The following ATP11A variants were observed in gnomAD, a reference collection of about 807,000 sequenced individuals.
ATP11A encodes phospholipid-transporting ATPase IH.
Under a neutral mutation model 154.4 loss-of-function variants are expected in ATP11A, and 81 were observed. The ratio of observed to expected loss-of-function variants is 0.52; its 90% CI spans 0.44 to 0.63. ATP11A has a LOEUF of 0.63. Ranked by LOEUF, ATP11A falls within the 30% of genes least tolerant of loss-of-function variation. The probability of loss-of-function intolerance (pLI) is 0.00; values close to 1 mark genes in which losing one functional copy is unlikely to be tolerated. For synonymous variants in ATP11A, 623 were observed against 585.9 expected (o/e 1.06, Z -0.91); for missense variants, 1,316 against 1,474.3 (o/e 0.89, Z 1.76).
In ATP11A at chr13:112,690,499, G is replaced by T; in HGVS notation, c.39+44G>T. 2 of 1,287,634 alleles carry T rather than the reference G, an allele frequency of 1.6e-6. No homozygotes were observed. The highest frequency in any genetic ancestry group is 2.0e-6 in the Non-Finnish European group (2 of 1,017,912). 79.8% of individuals were successfully genotyped at this position (1,287,634 alleles called of 1,614,324 possible). On this transcript the variant is annotated intron_variant, in intron 1 of 29. Coordinates refer to ENST00000375645, the MANE Select transcript of ATP11A (RefSeq NM_015205.3). The surrounding 1 kb of genome is among the most constrained non-coding windows in gnomAD (Gnocchi z 5.6). ...GGCTGGGGGACCCGGGGACCAGACA[G>T]ACGCGGGCCGGCCCCGCAGCCCGGA...
At chr13:112,701,787 C>A (rs1033691914) in intron 1 of ATP11A, among the ~76,000 whole-genome samples, 1 of 151,954 alleles carries the variant, frequency 6.6e-6, no homozygotes, top group Non-Finnish European at 1.5e-5. Context: ...GAGAGGAGAT[C>A]GCGCCACTGC....
chr13:112,691,148 G>A (rs1199588760), intron 1 of ATP11A, among the ~76,000 whole-genome samples: 3 of 152,144 alleles, frequency 2.0e-5, no homozygotes, highest in Admixed American at 2.0e-4. Flanking sequence ...AGGGGAAACC[G>A]GAATCCCTGG....
Position 112,798,154 on chromosome 13 carries a change from G to A in ATP11A, c.163-6803G>A, listed in dbSNP as rs141769401. On this transcript the variant is annotated intron_variant, in intron 2 of 29. Coordinates refer to ENST00000375645, the MANE Select transcript of ATP11A (RefSeq NM_015205.3). ...TTCATGAGGGAGGAGCCCGCATGGC[G>A]GAATCAGAACTCTTGAAGGCCCCGC... 2.9e-3 allele frequency among the ~76,000 whole-genome samples: 440 copies of A among 152,310 alleles called. 7 individuals carry two copies. The highest frequency in any genetic ancestry group is 0.01 in the African/African-American group (424 of 41,552).
At chr13:112,709,994 G>A (rs988995119) in intron 1 of ATP11A, among the ~76,000 whole-genome samples, 14 of 152,270 alleles carry the variant, frequency 9.2e-5, no homozygotes, top group Admixed American at 8.5e-4. Flanking sequence ...ACAGCTGAGA[G>A]CAAGGGTCTC....
At chr13:112,775,430 A>G (rs2077324650) in intron 1 of ATP11A, among the ~76,000 whole-genome samples, 1 of 152,152 alleles carries the variant, frequency 6.6e-6, no homozygotes, top group Admixed American at 6.5e-5. Context: ...CAGCAGCTTC[A>G]GGGTGCTTTT....
At chr13:112,703,565 C>T (rs1886822226) in intron 1 of ATP11A, among the ~76,000 whole-genome samples, 1 of 152,210 alleles carries the variant, frequency 6.6e-6, no homozygotes, top group Non-Finnish European at 1.5e-5. Flanking sequence ...ATGACAGAAG[C>T]ATGTTCCACG....
At chr13:112,732,842 A>C (rs1402982935) in intron 1 of ATP11A, among the ~76,000 whole-genome samples, 1 of 152,002 alleles carries the variant, frequency 6.6e-6, no homozygotes, top group Non-Finnish European at 1.5e-5. Flanking sequence ...TGAACTCCCG[A>C]CCTCAGGTGA....
At chr13:112,842,215 TAA>T in intron 16 of ATP11A, 59 bp from the exon 17 acceptor site, 1 of 1,346,006 alleles carries the variant, frequency 7.4e-7, no homozygotes, top group Non-Finnish European at 1.0e-6. Flanking sequence ...GGCATAATTT[TAA>T]AAAATAATCT....
chr13:112,749,915 G>A lies in ATP11A; in HGVS notation c.40-35220G>A, dbSNP rs369168702. 5.3e-5 allele frequency among the ~76,000 whole-genome samples: 7 copies of A among 131,316 alleles called. No individual in the cohort carries two copies. The East Asian group carries it at 6.7e-4, about 13-fold the overall frequency. The allele number at this position is 131,316 out of a possible 152,430, so 86.1% of individuals were successfully genotyped here. A position where few individuals can be genotyped will look rare whatever the true frequency, so the allele number is the denominator to read the frequency against. On this transcript the variant is annotated intron_variant, in intron 1 of 29. Transcript: ENST00000375645. ...GGGTTGAATCCCCCTTCAGCCTCTC[G>A]TGAATTTCTGTCTTAGGGAAGGAGA... is the stretch of plus-strand genomic sequence containing the variant.
chr13:112,827,610 C>T (rs953124732), intron 12 of ATP11A, among the ~76,000 whole-genome samples: 4 of 152,246 alleles, frequency 2.6e-5, no homozygotes, highest in African/African-American at 4.8e-5. Flanking sequence ...CCAGCCTTAA[C>T]GTTGCAGAGT....
At chr13:112,786,949 C>G (rs1421362372) in intron 2 of ATP11A, among the ~76,000 whole-genome samples, 1 of 151,054 alleles carries the variant, frequency 6.6e-6, no homozygotes, top group Non-Finnish European at 1.5e-5. Flanking sequence ...CTGTGGAGAC[C>G]TACTTAATTC....
chr13:112,734,774 G>C (rs1046056261), intron 1 of ATP11A, among the ~76,000 whole-genome samples: 1 of 152,146 alleles, frequency 6.6e-6, no homozygotes, highest in Non-Finnish European at 1.5e-5. Context: ...CCTCATAGCC[G>C]CACTTGGGGG....
At chr13:112,872,514 G>A (rs1026159433) in intron 26 of ATP11A, among the ~76,000 whole-genome samples, 10 of 152,354 alleles carry the variant, frequency 6.6e-5, no homozygotes, top group Non-Finnish European at 1.0e-4. Flanking sequence ...GGGAGGCTGA[G>A]GCACGAGAAT....
intron 1 of ATP11A, among the ~76,000 whole-genome samples, chr13:112,758,174 G>C (rs949229408): frequency 2.6e-5 from 4 of 152,108 alleles, no homozygotes; most frequent in African/African-American, 9.7e-5. Flanking sequence ...CAATTCTCCT[G>C]CCTCAACCTC....
At chr13:112,783,178 G>T (rs2077540982) in intron 1 of ATP11A, among the ~76,000 whole-genome samples, 1 of 152,192 alleles carries the variant, frequency 6.6e-6, no homozygotes, top group Non-Finnish European at 1.5e-5. Context: ...CTGAGAGGTT[G>T]GTAGGGGAGC....
chr13:112,735,219 G>A (rs1890876045), intron 1 of ATP11A, among the ~76,000 whole-genome samples: 1 of 152,168 alleles, frequency 6.6e-6, no homozygotes, highest in Non-Finnish European at 1.5e-5. Flanking sequence ...AAGGACACTG[G>A]GAAATCTAAA....
chr13:112,768,349 C>T (rs1416727412), intron 1 of ATP11A, among the ~76,000 whole-genome samples: 3 of 152,232 alleles, frequency 2.0e-5, no homozygotes, highest in Admixed American at 1.3e-4. Context: ...CAACCTCAGC[C>T]TCTCCAGCGG....
intron 1 of ATP11A, among the ~76,000 whole-genome samples, chr13:112,767,719 C>T (rs1423857538): frequency 1.3e-5 from 2 of 152,088 alleles, no homozygotes; most frequent in African/African-American, 4.8e-5. Context: ...TTACTTTCCC[C>T]ACTTGGCCAA....
chr13:112,722,905 A>T (rs1326798918), intron 1 of ATP11A, among the ~76,000 whole-genome samples: 2 of 145,366 alleles, frequency 1.4e-5, no homozygotes, highest in African/African-American at 5.3e-5. Context: ...GACTTGAAGT[A>T]AAGTAGGCGG....
Sources: allele counts gnomAD v4.1 joint callset (sites outside exome capture counted in the v4.1 genomes callset), GRCh38; gene constraint gnomAD v4.1.1; non-coding constraint Gnocchi (gnomAD v3.1); transcripts MANE v1.5; gene names NCBI Gene and HGNC (gene_info 2026-07-23, HGNC 2026-07-21).